Variants in TGM7 observed in about 807,000 individuals in gnomAD.
The protein encoded by TGM7 is transglutaminase 7.
TGM7 carries 74 observed loss-of-function variants against 79.5 expected under a neutral mutation model. The observed-to-expected ratio is 0.93, with a 90% CI of 0.77 to 1.13. The LOEUF is 1.13. Ranked by LOEUF, TGM7 falls within the 50% of genes most tolerant of loss-of-function variation. The pLI is 0.00. For missense variants in TGM7, 912 were observed against 905.9 expected, an observed-to-expected ratio of 1.01 and a Z score of -0.09; for synonymous variants, 354 against 362.5, an observed-to-expected ratio of 0.98 and a Z score of 0.27.
At chr15:43,297,450 C>T (rs374376824) in intron 1 of TGM7, among the ~76,000 whole-genome samples, 1 of 142,310 alleles carries the variant, frequency 7.0e-6, no homozygotes, top group African/African-American at 2.7e-5. Context: ...GAGACCCTGT[C>T]TCAAAAAAGA....
At chr15:43,285,849 AAC>A (rs57197257) in intron 6 of TGM7, among the ~76,000 whole-genome samples, 3 of 150,226 alleles carry the variant, frequency 2.0e-5, no homozygotes, top group African/African-American at 4.9e-5. Flanking sequence ...CATACACACA[AAC>A]ACACACACAC....
chr15:43,278,850 A>G (rs1233311548), intron 11 of TGM7, among the ~76,000 whole-genome samples: 1 of 152,234 alleles, frequency 6.6e-6, no homozygotes, highest in Non-Finnish European at 1.5e-5. Context: ...TTGCCTTTGC[A>G]AAATGATTTC....
chr15:43,287,851 T>G (rs1012432504), intron 4 of TGM7, among the ~76,000 whole-genome samples, 182 bp from the exon 5 acceptor site: 2 of 152,102 alleles, frequency 1.3e-5, no homozygotes, highest in African/African-American at 4.8e-5. Flanking sequence ...GGGAATGTAT[T>G]AGGTTTGAAA....
At chr15:43,298,241 T>G (rs891692625) in intron 1 of TGM7, among the ~76,000 whole-genome samples, 3 of 152,068 alleles carry the variant, frequency 2.0e-5, no homozygotes, top group Non-Finnish European at 4.4e-5. Flanking sequence ...TAGACACACA[T>G]GTGCGTGAGG....
At chr15:43,284,784 C>T in intron 7 of TGM7, 30 bp downstream of exon 7, 3 of 1,611,344 alleles carry the variant, frequency 1.9e-6, no homozygotes, top group Non-Finnish European at 1.7e-6. Context: ...TGGGACAAAG[C>T]AGAGATCTGT....
chr15:43,290,682 T>A (rs947382165), intron 4 of TGM7, among the ~76,000 whole-genome samples: 3 of 152,230 alleles, frequency 2.0e-5, no homozygotes, highest in Non-Finnish European at 4.4e-5. Context: ...CAGTACTGAT[T>A]CTTCCTACCC....
chr15:43,277,060 AC>A, intron 11 of TGM7, 65 bp from the exon 12 acceptor site: 1 of 1,574,222 alleles, frequency 6.4e-7, no homozygotes, highest in South Asian at 1.1e-5. Flanking sequence ...TGGTTCAGTT[AC>A]CCCCACCCCC....
chr15:43,297,294 A>G (rs1348407520), intron 1 of TGM7, among the ~76,000 whole-genome samples: 2 of 151,922 alleles, frequency 1.3e-5, no homozygotes, highest in Non-Finnish European at 2.9e-5. Flanking sequence ...CTCCACTAAA[A>G]ATACAAAAAT....
chr15:43,295,076 T>C (rs1399732624), intron 1 of TGM7, among the ~76,000 whole-genome samples: 1 of 152,196 alleles, frequency 6.6e-6, no homozygotes, highest in Non-Finnish European at 1.5e-5. Context: ...AGTATTTTTT[T>C]TGTATTTTGT....
In TGM7 at chr15:43,282,173, A is replaced by G. The variant is rs2042913013; in HGVS notation, c.1109-87T>C. The G allele has an allele frequency of 5.2e-6, 8 of 1,535,368 alleles. No individual in the cohort carries two copies. The South Asian group carries it at 7.1e-5, about 14-fold the overall frequency. ...TGGAGATGGGATAGGCAGCGGCACCACTGACTCTCACCCGTGGGATATCTT... is the reference window on the plus strand; with the variant it reads ...TGGAGATGGGATAGGCAGCGGCACCGCTGACTCTCACCCGTGGGATATCTT... On this transcript the variant is annotated intron_variant, in intron 8 of 12. Coordinates refer to ENST00000452443, the MANE Select transcript of TGM7 (RefSeq NM_052955.3).
In TGM7 at chr15:43,285,525, G is replaced by A. The variant is rs1352570588; in HGVS notation, c.866-573C>T. On this transcript the variant is annotated intron_variant, in intron 6 of 12. Transcript: ENST00000452443. ...TGTTACGTGGGTAAACACGTGTCAC[G>A]GGGGGTTGTTGTACAGATTATTTCA... Among the ~76,000 whole-genome samples the A allele has an allele frequency of 3.3e-5, 5 of 152,218 alleles. No individual in the cohort carries two copies. In the South Asian group the frequency reaches 6.2e-4, roughly 19 times the overall value.
chr15:43,278,160 A>G (rs888425165), intron 11 of TGM7, among the ~76,000 whole-genome samples: 7 of 152,116 alleles, frequency 4.6e-5, no homozygotes, highest in Non-Finnish European at 1.5e-5. Flanking sequence ...CCAGTTCTCT[A>G]TTGGGGTGGG....
At chr15:43,302,073 G>A (rs1490054780) in intron 1 of TGM7, 168 bp downstream of exon 1, 2 of 756,356 alleles carry the variant, frequency 2.6e-6, no homozygotes, top group Non-Finnish European at 2.3e-6. Context: ...GTGCCCCAAG[G>A]TCCAAATGCA....
chr15:43,285,868 C>CA (rs1267893830), intron 6 of TGM7, among the ~76,000 whole-genome samples: 1 of 142,046 alleles, frequency 7.0e-6, no homozygotes, highest in Non-Finnish European at 1.5e-5. Context: ...ACACACACAC[C>CA]CCTGCCTGCC....
chr15:43,284,660 C>T (rs946526884), intron 7 of TGM7, among the ~76,000 whole-genome samples, 154 bp downstream of exon 7: 1 of 152,228 alleles, frequency 6.6e-6, no homozygotes, highest in Non-Finnish European at 1.5e-5. Context: ...GCCAGAACAG[C>T]CTCCTGGGTT....
In TGM7 at chr15:43,284,800, A is replaced by G; in HGVS notation, c.1004+14T>C. The G allele has an allele frequency of 6.2e-7, 1 of 1,614,150 alleles. No homozygotes were observed. The highest frequency in any genetic ancestry group is 8.5e-7 in the Non-Finnish European group (1 of 1,179,998). On this transcript the variant is annotated intron_variant, in intron 7 of 12. Coordinates refer to ENST00000452443, the MANE Select transcript of TGM7 (RefSeq NM_052955.3). ...GGGACAAAGCAGAGATCTGTTCAAG[A>G]CAGTGCCTCTCACCATATTTTGTCT...
chr15:43,301,208 C>T (rs1235158974), intron 1 of TGM7, among the ~76,000 whole-genome samples: 1 of 151,968 alleles, frequency 6.6e-6, no homozygotes, highest in African/African-American at 2.4e-5. Context: ...GTCTCGAACT[C>T]CTCAGCTCAA....
At chr15:43,282,218 TG>T (rs2042913274) in intron 8 of TGM7, 132 bp from the exon 9 acceptor site, 2 of 1,337,718 alleles carry the variant, frequency 1.5e-6, no homozygotes, top group South Asian at 2.8e-5. Context: ...CAAGCACTTT[TG>T]TTCCCATTAA....
chr15:43,292,987 TC>T, intron 2 of TGM7, 33 bp from the exon 3 acceptor site: 1 of 1,606,774 alleles, frequency 6.2e-7, no homozygotes. Context: ...ACAGTGAGGC[TC>T]AAAAAACCTG....
Sources: gnomAD v4.1 joint callset for allele counts (sites outside exome capture counted in the v4.1 genomes callset) on GRCh38, gnomAD v4.1.1 for gene constraint, MANE v1.5 for transcripts, NCBI Gene and HGNC (gene_info 2026-07-23, HGNC 2026-07-21) for gene names.